AHI1: variants seen among roughly 807,000 people sequenced by gnomAD.
AHI1 encodes jouberin.
In AHI1, 123 loss-of-function variants were observed where a neutral mutation model predicts 149.3. That is an observed-to-expected ratio of 0.82 (90% CI 0.71 to 0.96). The LOEUF (loss-of-function observed/expected upper bound fraction) is 0.96, where lower values mean the gene tolerates loss of function less well. AHI1 is among the 40% of genes least tolerant of loss of function. AHI1 has a pLI of 0.00. For synonymous variants in AHI1, 475 were observed against 459.8 expected, an observed-to-expected ratio of 1.03 and a Z score of -0.42; for missense variants, 1,439 against 1,422.7, an observed-to-expected ratio of 1.01 and a Z score of -0.18.
At position 135,438,404 on chromosome 6, in the gene AHI1, G is replaced by A. The variant is rs746736523; in HGVS notation, c.2007C>T (p.Ile669=). Residue 669 remains isoleucine (I), a synonymous_variant, in exon 15 of 29, where the codon ATC becomes ATT. Transcript: ENST00000265602. The stretch of plus-strand genomic sequence containing the variant: ...CAGTGCCATCAGATGATGAAGTAAG[G>A]ATGTAGTGATCATCTTTTGACCAGG... The part of the protein sequence containing the change: ...DLSWSKDDHY[I]LTSSSDGTAR... 14 of 1,576,908 alleles carry A rather than the reference G, an allele frequency of 8.9e-6. No individual in the cohort carries two copies. Among genetic ancestry groups the A allele is most frequent in the Middle Eastern group, 1.7e-4 (1 of 6,016 alleles).
At chr6:135,313,151 C>T (rs1256319905) in intron 26 of AHI1, among the ~76,000 whole-genome samples, 7 of 152,080 alleles carry the variant, frequency 4.6e-5, no homozygotes, top group Non-Finnish European at 8.8e-5. Context: ...TTTAATTACT[C>T]GAGGCAACAT....
rs78652911 is a variant in AHI1, at chr6:135,443,253, C to T, written c.1780-539G>A. Reference sequence around the variant, plus strand: ...CTTATTGGTCTCTCATTCATTATTACAATTTCTTCAAAATTTTAATGTTTT... The same window carrying T: ...CTTATTGGTCTCTCATTCATTATTATAATTTCTTCAAAATTTTAATGTTTT... On this transcript the variant is annotated intron_variant, in intron 13 of 28. Coordinates refer to ENST00000265602, the MANE Select transcript of AHI1 (RefSeq NM_001134831.2). Among the ~76,000 whole-genome samples, 1,447 of 152,300 alleles carry T rather than the reference C, an allele frequency of 9.5e-3. 34 individuals are homozygous for T. Among genetic ancestry groups the T allele is most frequent in the African/African-American group, 0.033 (1,384 of 41,574 alleles).
intron 4 of AHI1, among the ~76,000 whole-genome samples, chr6:135,491,289 A>T (rs1037840644): frequency 6.6e-6 from 1 of 152,120 alleles, no homozygotes; most frequent in Non-Finnish European, 1.5e-5. Context: ...AGGGCTCCAT[A>T]CCTCCTGATC....
In AHI1 at chr6:135,442,605, C is replaced by A; in HGVS notation, c.1889G>T (p.Ser630Ile). 1.2e-6 allele frequency: 2 copies of A among 1,609,150 alleles called. No individual in the cohort carries two copies. Among genetic ancestry groups the A allele is most frequent in the Middle Eastern group, 1.7e-4 (1 of 6,056 alleles). ...NGRILAAACA[S>I]RDGYPIILYE... is the part of the protein sequence containing the mutation. ...ACAAATAATTGGATATCCATCCCGG[C>A]TGGCACAAGCTGCTGCTAATATTCT... Residue 630 changes from serine to isoleucine, a missense_variant, in exon 14 of 29, where the codon AGC (serine) becomes ATC (isoleucine). Physicochemically the swap from Ser to Ile is moderately radical, Grantham distance 142 (BLOSUM62 -2). Coordinates refer to ENST00000265602, the MANE Select transcript of AHI1 (RefSeq NM_001134831.2).
intron 27 of AHI1, among the ~76,000 whole-genome samples, chr6:135,298,313 T>A: frequency 6.9e-6 from 1 of 144,242 alleles, no homozygotes. Flanking sequence ...TGCATAGAAG[T>A]GACTGACATT....
chr6:135,442,493 C>A, intron 14 of AHI1, 89 bp downstream of exon 14: 4 of 1,378,216 alleles, frequency 2.9e-6, no homozygotes, highest in Non-Finnish European at 3.9e-6. Context: ...GGGGATTACT[C>A]AAGTTAAGAT....
At chr6:135,390,217 G>C (rs1778287492) in intron 23 of AHI1, among the ~76,000 whole-genome samples, 1 of 152,090 alleles carries the variant, frequency 6.6e-6, no homozygotes, top group Non-Finnish European at 1.5e-5. Context: ...TCTGTACAGA[G>C]CCTGTTGTTT....
rs933334336 is a variant in AHI1, at chr6:135,358,005, A to T, written c.3165+127T>A. 5.4e-6 allele frequency: 4 copies of T among 734,624 alleles called. No individual in the cohort carries two copies. In the African/African-American group the frequency reaches 5.5e-5, roughly 10 times the overall value. The allele number at this position is 734,624 out of a possible 1,614,324, so 45.5% of individuals were successfully genotyped here. A position where few individuals can be genotyped will look rare whatever the true frequency, so the allele number is the denominator to read the frequency against. On this transcript the variant is annotated intron_variant, in intron 24 of 28. Transcript: ENST00000265602. ...TAAGTTAACAACATTAATATGAACA[A>T]ATCTTGCAGGGATATAACTTTTGGC...
At chr6:135,432,134 T>C (rs1392120969) in intron 16 of AHI1, among the ~76,000 whole-genome samples, 2 of 152,062 alleles carry the variant, frequency 1.3e-5, no homozygotes, top group East Asian at 3.9e-4. Context: ...TCAGAGTCTT[T>C]CCTGAATATG....
intron 14 of AHI1, 134 bp from the exon 15 acceptor site, chr6:135,438,632 G>A (rs1785784374): frequency 1.5e-6 from 1 of 687,938 alleles, no homozygotes; most frequent in African/African-American, 1.9e-5. Context: ...TTGCAGCACA[G>A]AGAAAATTTC....
intron 26 of AHI1, among the ~76,000 whole-genome samples, chr6:135,312,415 G>A (rs187079714): frequency 2.4e-4 from 36 of 152,258 alleles, no homozygotes; most frequent in African/African-American, 8.7e-4. Flanking sequence ...TTGGGAGGCT[G>A]AGGCATGAGA....
chr6:135,448,635 A>G (rs1304260626), intron 11 of AHI1, among the ~76,000 whole-genome samples, 160 bp from the exon 12 acceptor site: 1 of 152,230 alleles, frequency 6.6e-6, no homozygotes, highest in East Asian at 1.9e-4. Flanking sequence ...AGTTAAGCAC[A>G]CTTCCAGATC....
At chr6:135,435,714 G>T (rs1785297955) in intron 15 of AHI1, among the ~76,000 whole-genome samples, 1 of 152,204 alleles carries the variant, frequency 6.6e-6, no homozygotes, top group African/African-American at 2.4e-5. Flanking sequence ...GTTATGGAAA[G>T]ATAATTTTAG....
intron 17 of AHI1, among the ~76,000 whole-genome samples, chr6:135,430,386 A>G (rs1261371240): frequency 6.6e-6 from 1 of 151,934 alleles, no homozygotes; most frequent in Non-Finnish European, 1.5e-5. Context: ...ATAATTTTCA[A>G]GTTTCTATTC....
intron 20 of AHI1, among the ~76,000 whole-genome samples, chr6:135,416,736 T>C (rs546957202): frequency 6.6e-6 from 1 of 152,176 alleles, no homozygotes; most frequent in Admixed American, 6.6e-5. Flanking sequence ...AGGTATTTGA[T>C]CTTTATATTC....
chr6:135,407,756 T>C (rs1780996052), intron 21 of AHI1, among the ~76,000 whole-genome samples: 1 of 152,310 alleles, frequency 6.6e-6, no homozygotes, highest in African/African-American at 2.4e-5. Context: ...CTCATGCCTG[T>C]AATCCCAGCA....
At chr6:135,404,329 T>C (rs192806465) in intron 22 of AHI1, among the ~76,000 whole-genome samples, 34 of 152,318 alleles carry the variant, frequency 2.2e-4, no homozygotes, top group Non-Finnish European at 2.9e-5. Context: ...TACAATTTAG[T>C]TGAAATTGTT....
At chr6:135,324,570 A>T (rs200294269) in intron 24 of AHI1, among the ~76,000 whole-genome samples, 1 of 132,272 alleles carries the variant, frequency 7.6e-6, no homozygotes, top group Non-Finnish European at 1.7e-5. Flanking sequence ...ATATATATAT[A>T]TATTTATAGC....
At chr6:135,402,186 G>A (rs896070675) in intron 22 of AHI1, among the ~76,000 whole-genome samples, 1 of 152,114 alleles carries the variant, frequency 6.6e-6, no homozygotes, top group African/African-American at 2.4e-5. Flanking sequence ...GTGAGGATGA[G>A]AAGAAACTGG....
Sources: allele counts gnomAD v4.1 joint callset (sites outside exome capture counted in the v4.1 genomes callset), GRCh38; gene constraint gnomAD v4.1.1; transcripts MANE v1.5; gene names NCBI Gene and HGNC (gene_info 2026-07-23, HGNC 2026-07-21).